The following SEC31B variants were observed in gnomAD, a reference collection of about 807,000 sequenced individuals.
SEC31B encodes SEC31 homolog B, COPII component.
SEC31B carries 113 observed loss-of-function variants against 135.0 expected under a neutral mutation model. The ratio of observed to expected loss-of-function variants is 0.84; its 90% confidence interval spans 0.72 to 0.98. The LOEUF is 0.98. SEC31B is among the 50% of genes least tolerant of loss of function. SEC31B has a pLI of 0.00. For missense variants in SEC31B, 1,296 were observed against 1,421.1 expected, an observed-to-expected ratio of 0.91 and a Z score of 1.42; for synonymous variants, 508 against 549.4, an observed-to-expected ratio of 0.92 and a Z score of 1.05.
In SEC31B at chr10:100,495,518, A is replaced by C. The variant is rs747944272; in HGVS notation, c.2339T>G (p.Leu780Arg). ...QPPVQQLRDR[L>R]FHAQGSAVLG... ...GACAGCAGAACCTTGAGCATGAAAA[A>C]GCCGATCTCTTAGCTGCTGAACTGG... is the stretch of plus-strand genomic sequence containing the variant. Residue 780 changes from leucine (L) to arginine (R), a missense_variant, in exon 19 of 26, where the codon CTT (leucine) becomes CGT (arginine). Physicochemically the swap from Leu to Arg is moderately radical, Grantham distance 102 (BLOSUM62 -2). Coordinates refer to ENST00000370345, the MANE Select transcript of SEC31B (RefSeq NM_015490.4). 12 of 1,613,958 alleles carry C rather than the reference A, an allele frequency of 7.4e-6. No individual in the cohort carries two copies. Among genetic ancestry groups the C allele is most frequent in the Non-Finnish European group, 1.0e-5 (12 of 1,179,992 alleles).
At chr10:100,518,337 G>A (rs1589743324) in intron 1 of SEC31B, among the ~76,000 whole-genome samples, 1 of 151,684 alleles carries the variant, frequency 6.6e-6, no homozygotes, top group African/African-American at 2.4e-5. Context: ...CTTCACTTTC[G>A]ACATGACTGG....
At chr10:100,494,441 AAG>A (rs1225978283) in intron 19 of SEC31B, among the ~76,000 whole-genome samples, 1 of 152,152 alleles carries the variant, frequency 6.6e-6, no homozygotes, top group African/African-American at 2.4e-5. Context: ...CCTCCCTGTC[AAG>A]TTTAAGTTCT....
intron 25 of SEC31B, 26 bp from the exon 26 acceptor site, chr10:100,487,821 AG>A (rs1564647010): frequency 1.2e-6 from 2 of 1,612,724 alleles, no homozygotes; most frequent in Non-Finnish European, 1.7e-6. Flanking sequence ...CCCTTAGGTT[AG>A]TGAGCCCAAC....
intron 2 of SEC31B, among the ~76,000 whole-genome samples, 157 bp from the exon 3 acceptor site, chr10:100,516,376 G>A (rs1044924573): frequency 1.4e-4 from 21 of 152,080 alleles, no homozygotes; most frequent in African/African-American, 4.8e-4. Context: ...GGCTGGGCGC[G>A]GTGGCTCACG....
At chr10:100,493,506 A>T (rs1010200561) in intron 19 of SEC31B, among the ~76,000 whole-genome samples, 1 of 152,220 alleles carries the variant, frequency 6.6e-6, no homozygotes, top group Non-Finnish European at 1.5e-5. Flanking sequence ...AGAAAAGCCA[A>T]TCTCAAAAGG....
Position 100,506,078 on chromosome 10 carries a change from T to C in SEC31B, c.1006A>G (p.Arg336Gly), listed in dbSNP as rs368593783. 5.6e-6 allele frequency: 9 copies of C among 1,614,034 alleles called. No individual in the cohort carries two copies. The African/African-American group carries it at 1.2e-4, about 22-fold the overall frequency. ...CTCATATGCTGGACTTCCCAGCTCCTACCCATCACAGAGTACAAACTGATC... is the reference window on the plus strand; with the variant it reads ...CTCATATGCTGGACTTCCCAGCTCCCACCCATCACAGAGTACAAACTGATC... ...GWISLYSVMGRSWEVQHMRQA... is the reference protein window; with the variant it reads ...GWISLYSVMGGSWEVQHMRQA... Residue 336 changes from arginine to glycine, a missense_variant, in exon 9 of 26, where the codon AGG becomes GGG. Arg to Gly is a moderately radical substitution (Grantham distance 125). Transcript: ENST00000370345.
chr10:100,519,420 C>G (rs540756618), intron 1 of SEC31B, among the ~76,000 whole-genome samples: 30 of 152,384 alleles, frequency 2.0e-4, no homozygotes, highest in South Asian at 4.1e-4. Context: ...GTCGCCGAAG[C>G]GCGGCGCGCC....
chr10:100,498,069 T>C lies in SEC31B; in HGVS notation c.1823A>G (p.Gln608Arg), dbSNP rs768817483. 1.9e-6 allele frequency: 3 copies of C among 1,614,208 alleles called. No individual in the cohort carries two copies. Among genetic ancestry groups the C allele is most frequent in the Non-Finnish European group, 2.5e-6 (3 of 1,180,030 alleles). Residue 608 changes from glutamine to arginine, a missense_variant, in exon 15 of 26, where the codon CAG becomes CGG. Physicochemically the swap from Gln to Arg is conservative, Grantham distance 43. Transcript: ENST00000370345. Reference sequence around the variant, plus strand: ...TTTCTTCTTGGCCAAGTAGCGCTCCTGTGTTTGCTTCAGCAGATCTGTACC... The same window carrying C: ...TTTCTTCTTGGCCAAGTAGCGCTCCCGTGTTTGCTTCAGCAGATCTGTACC... ...AGGTDLLKQTQERYLAKKKTK... is the reference protein window; with the variant it reads ...AGGTDLLKQTRERYLAKKKTK...
At chr10:100,498,927 G>T in intron 13 of SEC31B, 123 bp from the exon 14 acceptor site, 1 of 770,678 alleles carries the variant, frequency 1.3e-6, no homozygotes, top group Non-Finnish European at 2.1e-6. Context: ...AAAATAGCCA[G>T]GTAAGGTTTG....
In SEC31B at chr10:100,497,291, A is replaced by T. The variant is rs183371730; in HGVS notation, c.1991-11T>A. 2.5e-6 allele frequency: 4 copies of T among 1,611,588 alleles called. No individual in the cohort carries two copies. Among genetic ancestry groups the T allele is most frequent in the Non-Finnish European group, 3.4e-6 (4 of 1,177,976 alleles). ...GAGTTCCCAGCATGTCTGCAGAGAG[A>T]GGGTAATTTCATTAATGGCACAGCT... On this transcript the variant is annotated splice_polypyrimidine_tract_variant and intron_variant, in intron 16 of 25. Transcript: ENST00000370345.
At chr10:100,507,347 G>T in intron 7 of SEC31B, 78 bp downstream of exon 7, 1 of 1,562,074 alleles carries the variant, frequency 6.4e-7, no homozygotes, top group Non-Finnish European at 8.8e-7. Flanking sequence ...TAGCTAAAGT[G>T]AGGGATACAT....
chr10:100,491,292 C>T (rs1346266586), intron 19 of SEC31B, among the ~76,000 whole-genome samples: 1 of 152,152 alleles, frequency 6.6e-6, no homozygotes, highest in Non-Finnish European at 1.5e-5. Context: ...AAAGAAATCT[C>T]CAGGCCTAGA....
intron 4 of SEC31B, 103 bp from the exon 5 acceptor site, chr10:100,509,205 A>C: frequency 6.7e-7 from 1 of 1,496,640 alleles, no homozygotes; most frequent in Non-Finnish European, 9.2e-7. Context: ...GCCTCCCCTG[A>C]AACAGCCTGG....
In SEC31B at chr10:100,516,085, T is replaced by A; in HGVS notation, c.203+11A>T. The stretch of plus-strand genomic sequence containing the variant: ...TCTACCCTGTATACCCATCAATAGA[T>A]CAGACAATACCTGCTCAAGGCAGAA... On this transcript the variant is annotated intron_variant, in intron 3 of 25. Transcript: ENST00000370345. 3 of 1,613,958 alleles carry A rather than the reference T, an allele frequency of 1.9e-6. No homozygotes were observed. The highest frequency in any genetic ancestry group is 1.7e-6 in the Non-Finnish European group (2 of 1,179,922).
intron 16 of SEC31B, 193 bp from the exon 17 acceptor site, chr10:100,497,473 A>G: frequency 1.0e-5 from 15 of 1,472,818 alleles, no homozygotes; most frequent in Non-Finnish European, 1.3e-5. Context: ...GTAAAACAGG[A>G]CAACAAAGGA....
intron 11 of SEC31B, chr10:100,501,859 C>T (rs1851530214): frequency 5.1e-6 from 1 of 195,158 alleles, no homozygotes; most frequent in African/African-American, 2.4e-5. Context: ...GACAATATGT[C>T]CTTCTAACTA....
rs542973878 is a variant in SEC31B at position 100,487,635 on chromosome 10, G to A, written c.3521C>T (p.Ala1174Val). Residue 1174 changes from alanine (A) to valine (V), a missense_variant, in exon 26 of 26, where the codon GCT becomes GTT. Physicochemically the swap from Ala to Val is moderately conservative, Grantham distance 64. Transcript: ENST00000370345. ...MPILKAVLII[A>V]HKLLV ...CCTGGTTTAGACCAGCAGCTTATGA[G>A]CGATGATGAGGACAGCCTTCAGGAT... The A allele has an allele frequency of 6.8e-6, 11 of 1,613,194 alleles. No homozygotes were observed. The Admixed American group carries it at 1.7e-4, about 24-fold the overall frequency.
At chr10:100,507,827 G>A (rs1851662363) in intron 6 of SEC31B, 81 bp downstream of exon 6, 3 of 1,578,588 alleles carry the variant, frequency 1.9e-6, no homozygotes, top group Non-Finnish European at 2.6e-6. Flanking sequence ...CAGGACTCTG[G>A]CCTGGGGCAG....
intron 11 of SEC31B, among the ~76,000 whole-genome samples, chr10:100,499,872 T>G (rs1851483853): frequency 6.6e-6 from 1 of 152,238 alleles, no homozygotes; most frequent in East Asian, 1.9e-4. Flanking sequence ...CTGGTGAGAG[T>G]AAAATGTCAG....
Sources: gnomAD v4.1 joint callset for allele counts (sites outside exome capture counted in the v4.1 genomes callset) on GRCh38, gnomAD v4.1.1 for gene constraint, MANE v1.5 for transcripts, NCBI Gene and HGNC (gene_info 2026-07-23, HGNC 2026-07-21) for gene names.